COL5A2: variants seen among roughly 807,000 people sequenced by gnomAD.
COL5A2 encodes collagen type V alpha 2 chain.
COL5A2 carries 23 observed loss-of-function variants against 208.2 expected under a neutral mutation model. That is an observed-to-expected ratio of 0.11 (90% CI 0.08 to 0.16). COL5A2 has a LOEUF of 0.16. Among genes scored for constraint, COL5A2 ranks in the 10% least tolerant of loss-of-function variants. The probability of loss-of-function intolerance (pLI) is 1.00; values close to 1 mark genes in which losing one functional copy is unlikely to be tolerated. For synonymous variants in COL5A2, 625 were observed against 628.5 expected, an observed-to-expected ratio of 0.99 and a Z score of 0.08; for missense variants, 1,590 against 1,956.4, an observed-to-expected ratio of 0.81 and a Z score of 3.53.
chr2:189,050,587 G>A lies in COL5A2; in HGVS notation c.3021C>T (p.Pro1007=), dbSNP rs143318792. Residue 1007 remains proline, a synonymous_variant, in exon 43 of 54, where the codon CCC becomes CCT. Transcript: ENST00000374866. ...TACTCACCGCTGGGCCTGGTAGGCC[G>A]GGCATGCCTCTCTCTCCACGTTGCC... is the stretch of plus-strand genomic sequence containing the variant. ...MPGQRGERGM[P]GLPGPAGTPG... is the part of the protein sequence containing the mutation. The A allele has an allele frequency of 9.9e-5, 153 of 1,551,496 alleles. 1 individual carries two copies. The African/African-American group carries it at 1.7e-3, about 17-fold the overall frequency.
chr2:189,178,607 T>A (rs1286544413), intron 1 of COL5A2, among the ~76,000 whole-genome samples: 1 of 150,072 alleles, frequency 6.7e-6, no homozygotes, highest in African/African-American at 2.5e-5. Flanking sequence ...TCTTATATAC[T>A]ACAACAGCTA....
At chr2:189,319,797 G>A in the COL5A2 span, among the ~76,000 whole-genome samples, 1 of 152,222 alleles carries the variant, frequency 6.6e-6, no homozygotes, top group African/African-American at 2.4e-5. Context: ...GTCCCTGTCT[G>A]ACAGCCTTGA....
intron 51 of COL5A2, 150 bp downstream of exon 51, chr2:189,039,122 C>T: frequency 1.0e-6 from 1 of 984,248 alleles, no homozygotes; most frequent in Non-Finnish European, 1.6e-6. Flanking sequence ...TGACTGTTTC[C>T]ACCATTAAAT....
At chr2:189,041,291 G>C (rs899158387) in intron 50 of COL5A2, among the ~76,000 whole-genome samples, 1 of 152,104 alleles carries the variant, frequency 6.6e-6, no homozygotes, top group African/African-American at 2.4e-5. Flanking sequence ...TATTGCCCTT[G>C]AGAGCAAATC....
chr2:189,423,888 C>T, the COL5A2 span, among the ~76,000 whole-genome samples: 4 of 149,074 alleles, frequency 2.7e-5, no homozygotes, highest in East Asian at 3.9e-4. Flanking sequence ...CCAAATCAGA[C>T]GAGGGGGAAA....
chr2:189,107,762 A>C (rs987099446), intron 2 of COL5A2, among the ~76,000 whole-genome samples: 7 of 151,600 alleles, frequency 4.6e-5, no homozygotes, highest in African/African-American at 1.7e-4. Flanking sequence ...AGATTTATAT[A>C]TTAGTTCTAT....
At chr2:189,241,487 C>T in the COL5A2 span, among the ~76,000 whole-genome samples, 2 of 152,090 alleles carry the variant, frequency 1.3e-5, no homozygotes, top group East Asian at 3.9e-4. Flanking sequence ...TCCTATTGTT[C>T]AACAATTATG....
At chr2:189,409,221 T>C in the COL5A2 span, among the ~76,000 whole-genome samples, 1 of 146,986 alleles carries the variant, frequency 6.8e-6, no homozygotes, top group Non-Finnish European at 1.5e-5. Context: ...TTTTTTTTTT[T>C]TTTTTTAGAG....
At chr2:189,058,710 A>C in intron 32 of COL5A2, 139 bp downstream of exon 32, 1 of 923,782 alleles carries the variant, frequency 1.1e-6, no homozygotes, top group Non-Finnish European at 1.7e-6. Flanking sequence ...ATAGCACAAA[A>C]TATTTCTCAT....
the COL5A2 span, among the ~76,000 whole-genome samples, chr2:189,235,993 A>C: frequency 1.3e-4 from 20 of 150,328 alleles, no homozygotes; most frequent in Middle Eastern, 3.4e-3. Flanking sequence ...ATATTTGTCC[A>C]TCCCCCAATA....
Position 189,036,638 on chromosome 2 carries a change from A to C in COL5A2, c.4091T>G (p.Leu1364Arg). ...SPDNKPVWYG[L>R]DMNRGSQFAY... ...TACCTGAGACCCTCTGTTCATATCAAGACCATACCAAACAGGTTTATTGTC... is the reference window on the plus strand; with the variant it reads ...TACCTGAGACCCTCTGTTCATATCACGACCATACCAAACAGGTTTATTGTC... The change falls in exon 52 of 54, where the codon CTT (leucine) becomes CGT (arginine). Residue 1364 changes from leucine (L) to arginine (R), a missense_variant. Leu to Arg is a moderately radical substitution (Grantham distance 102, BLOSUM62 -2). Transcript: ENST00000374866. 1 of 1,613,672 alleles carries C rather than the reference A, an allele frequency of 6.2e-7. No homozygotes were observed. Among genetic ancestry groups the C allele is most frequent in the Non-Finnish European group, 8.5e-7 (1 of 1,179,598 alleles).
chr2:189,398,363 T>G, the COL5A2 span, among the ~76,000 whole-genome samples: 1 of 152,172 alleles, frequency 6.6e-6, no homozygotes, highest in Non-Finnish European at 1.5e-5. Context: ...CTTAGAAATG[T>G]TATGTTAAAG....
intron 5 of COL5A2, 130 bp downstream of exon 5, chr2:189,098,597 G>C: frequency 1.3e-6 from 1 of 766,762 alleles, no homozygotes; most frequent in Non-Finnish European, 2.2e-6. Context: ...GATGGTTTAA[G>C]ACAAAATGTT....
the COL5A2 span, among the ~76,000 whole-genome samples, chr2:189,402,786 G>A: frequency 1.0e-5 from 1 of 97,140 alleles, no homozygotes; most frequent in Admixed American, 1.1e-4. Context: ...TGCTCTTTTG[G>A]CTATAGTATA....
In COL5A2 at chr2:189,050,826, T is replaced by C. The variant is rs148883596; in HGVS notation, c.2932-150A>G. On this transcript the variant is annotated intron_variant, in intron 42 of 53. Coordinates refer to ENST00000374866, the MANE Select transcript of COL5A2 (RefSeq NM_000393.5). ...AAATCATACTGCATATGAGTAGTCA[T>C]AAATTGTAATCCGCACAGAACCTCT... The C allele has an allele frequency of 2.0e-5, 13 of 665,422 alleles. No homozygotes were observed. In the African/African-American group the frequency reaches 2.2e-4, roughly 11 times the overall value. The allele number at this position is 665,422 out of a possible 1,614,324, so 41.2% of individuals were successfully genotyped here. A position where few individuals can be genotyped will look rare whatever the true frequency, so the allele number is the denominator to read the frequency against.
chr2:189,289,097 T>A, the COL5A2 span, among the ~76,000 whole-genome samples: 1 of 152,078 alleles, frequency 6.6e-6, no homozygotes, highest in African/African-American at 2.4e-5. Flanking sequence ...ATCCCAGCAC[T>A]TTGGGAGGCT....
the COL5A2 span, among the ~76,000 whole-genome samples, chr2:189,410,351 C>T: frequency 1.3e-5 from 2 of 152,070 alleles, no homozygotes; most frequent in Non-Finnish European, 2.9e-5. Flanking sequence ...GGGAGGATTG[C>T]TCAAGGCCAG....
chr2:189,402,393 T>A, the COL5A2 span, among the ~76,000 whole-genome samples: 2 of 151,922 alleles, frequency 1.3e-5, no homozygotes, highest in Non-Finnish European at 2.9e-5. Flanking sequence ...AATTTTTGAA[T>A]TTTTTTTAGT....
chr2:189,341,139 T>C, the COL5A2 span, among the ~76,000 whole-genome samples: 28 of 152,296 alleles, frequency 1.8e-4, no homozygotes, highest in Non-Finnish European at 3.5e-4. Flanking sequence ...TACAGACATA[T>C]ATAAGAACAT....
Sources: allele counts gnomAD v4.1 joint callset (sites outside exome capture counted in the v4.1 genomes callset), GRCh38; gene constraint gnomAD v4.1.1; transcripts MANE v1.5; gene names NCBI Gene and HGNC (gene_info 2026-07-23, HGNC 2026-07-21).